The following NOL12 variants were observed in gnomAD, a reference collection of about 807,000 sequenced individuals.
The protein encoded by NOL12 is nucleolar protein 12.
NOL12 carries 21 observed loss-of-function variants against 25.2 expected under a neutral mutation model. The ratio of observed to expected loss-of-function variants is 0.83; its 90% CI spans 0.59 to 1.20. The LOEUF (loss-of-function observed/expected upper bound fraction) is 1.20. Ranked by LOEUF, NOL12 falls within the 50% of genes most tolerant of loss-of-function variation. The pLI is 0.00. For synonymous variants in NOL12, 133 were observed against 113.8 expected (o/e 1.17, Z -1.08); for missense variants, 286 against 287.6 (o/e 0.99, Z 0.04).
At chr22:37,689,516 G>A (rs743837) in intron 4 of NOL12, among the ~76,000 whole-genome samples, 64,031 of 152,014 alleles carry the variant, frequency 0.42, 13,843 homozygotes, top group African/African-American at 0.53. Flanking sequence ...TGTGAATCAT[G>A]AGTAGGTTGC....
rs748439404 is a variant in NOL12 at position 37,691,277 on chromosome 22, C to CGTACCAGCAA, written c.585_594dup (p.Ala199TyrfsTer50). The CGTACCAGCAA allele has an allele frequency of 6.2e-7, 1 of 1,614,050 alleles. No individual in the cohort carries two copies. The highest frequency in any genetic ancestry group is 1.1e-5 in the South Asian group (1 of 91,068). ...CTCCAAAAAGCCCCCAAGGGCCCCT[C>CGTACCAGCAA]GTACCAGCAAGGCCCAGCGCCGCCG... is the stretch of plus-strand genomic sequence containing the variant. On this transcript the variant is annotated frameshift_variant, in exon 6 of 6. Coordinates refer to ENST00000359114, the MANE Select transcript of NOL12 (RefSeq NM_024313.3). LOFTEE classifies it high-confidence loss of function.
chr22:37,692,193 CT>C lies in NOL12; in HGVS notation c.*858del, dbSNP rs1372645932. On this transcript the variant is annotated 3_prime_UTR_variant, in exon 6 of 6. Transcript: ENST00000359114. Reference sequence around the variant, plus strand: ...CCAACATGGTGAAACCCTGTCTCTACTAAAAATGCAAAAATTAGCCAGGTGT... The same window carrying C: ...CCAACATGGTGAAACCCTGTCTCTACAAAAATGCAAAAATTAGCCAGGTGT... 1 of 240,338 alleles carries C rather than the reference CT, an allele frequency of 4.2e-6. No homozygotes were observed. The highest frequency in any genetic ancestry group is 2.2e-5 in the African/African-American group (1 of 44,792). The allele number at this position is 240,338 out of a possible 1,614,324, so 14.9% of individuals were successfully genotyped here. A position where few individuals can be genotyped will look rare whatever the true frequency, so the allele number is the denominator to read the frequency against.
rs1359863572 is a variant in NOL12 at position 37,688,340 on chromosome 22, C to T, written c.218C>T (p.Ala73Val). Residue 73 changes from alanine to valine, a missense_variant, in exon 3 of 6, where the codon GCA (alanine) becomes GTA (valine). Physicochemically the swap from Ala to Val is moderately conservative, Grantham distance 64. Transcript: ENST00000359114. ...ERHQEYLKML[A>V]EREEALEEAD... ...CACCAGGAATACTTGAAGATGCTGG[C>T]AGAGAGAGAAGAGGCTCTGGGTAAG... 2 of 1,614,180 alleles carry T rather than the reference C, an allele frequency of 1.2e-6. No individual in the cohort carries two copies. The highest frequency in any genetic ancestry group is 8.5e-7 in the Non-Finnish European group (1 of 1,180,022).
intron 5 of NOL12, 143 bp downstream of exon 5, chr22:37,690,937 C>T (rs1217777261): frequency 8.6e-6 from 6 of 698,964 alleles, no homozygotes; most frequent in South Asian, 3.8e-5. Flanking sequence ...CTCATTGCCC[C>T]GTCCTGTCCC....
chr22:37,687,130 C>T (rs958641195), intron 1 of NOL12: 6 of 978,612 alleles, frequency 6.1e-6, no homozygotes, highest in Non-Finnish European at 7.3e-6. Flanking sequence ...GGTCAGGTGT[C>T]CTGGGGACAT....
chr22:37,688,164 C>G, intron 2 of NOL12, 148 bp from the exon 3 acceptor site: 1 of 1,076,886 alleles, frequency 9.3e-7, no homozygotes, highest in Non-Finnish European at 1.4e-6. Context: ...CTCTGTGGGC[C>G]CGGGTCTGGG....
Position 37,692,113 on chromosome 22 carries a change from T to G in NOL12, c.*777T>G. On this transcript the variant is annotated 3_prime_UTR_variant, in exon 6 of 6. Coordinates refer to ENST00000359114, the MANE Select transcript of NOL12 (RefSeq NM_024313.3). The stretch of plus-strand genomic sequence containing the variant: ...GGCTCACGCCTGTAATCCCAGCACT[T>G]TGGGAGGCCCAGGCGGGCAGATCAC... 6.1e-6 allele frequency: 1 copy of G among 163,106 alleles called. No homozygotes were observed. The highest frequency in any genetic ancestry group is 1.7e-4 in the East Asian group (1 of 5,922). 10.1% of individuals were successfully genotyped at this position (163,106 alleles called of 1,614,324 possible). A position where few individuals can be genotyped will look rare whatever the true frequency, so the allele number is the denominator to read the frequency against.
chr22:37,687,268 C>G (rs1027321161), intron 1 of NOL12, among the ~76,000 whole-genome samples: 7 of 129,936 alleles, frequency 5.4e-5, no homozygotes, highest in South Asian at 6.3e-4. Context: ...GCCCCCCCCC[C>G]CACCCGCCCC....
chr22:37,688,021 C>T lies in NOL12; in HGVS notation c.189+6C>T. The stretch of plus-strand genomic sequence containing the variant: ...AGAGGAAGCTTCGGGAGGAGGTACG[C>T]AGGGGGAAGGTGGGAGGGAGGTCTT... On this transcript the variant is annotated splice_donor_region_variant and intron_variant, in intron 2 of 5. Transcript: ENST00000359114. 3 of 1,541,782 alleles carry T rather than the reference C, an allele frequency of 1.9e-6. No individual in the cohort carries two copies. The highest frequency in any genetic ancestry group is 2.4e-5 in the East Asian group (1 of 41,894).
chr22:37,690,855 C>T lies in NOL12; in HGVS notation c.479+61C>T, dbSNP rs1052805457. 1.6e-5 allele frequency: 20 copies of T among 1,261,914 alleles called. 1 individual carries two copies. The highest frequency in any genetic ancestry group is 2.2e-5 in the Non-Finnish European group (19 of 872,720). The allele number at this position is 1,261,914 out of a possible 1,614,324, so 78.2% of individuals were successfully genotyped here. A position where few individuals can be genotyped will look rare whatever the true frequency, so the allele number is the denominator to read the frequency against. ...CTCCTGGCTGGCAGTAGTGACCTGG[C>T]CCTTAGGGTGGTGTGGAGCAGGTGT... On this transcript the variant is annotated intron_variant, in intron 5 of 5. Transcript: ENST00000359114.
Position 37,691,176 on chromosome 22 carries a change from T to C in NOL12, c.482T>C (p.Ile161Thr). The C allele has an allele frequency of 6.2e-7, 1 of 1,605,592 alleles. No individual in the cohort carries two copies. Among genetic ancestry groups the C allele is most frequent in the Non-Finnish European group, 8.5e-7 (1 of 1,175,108 alleles). The change falls in exon 6 of 6, where the codon ATC becomes ACC. Residue 161 changes from isoleucine (I) to threonine (T), a missense_variant and splice_region_variant. Ile to Thr is a moderately conservative substitution (Grantham distance 89). Transcript: ENST00000359114. The stretch of plus-strand genomic sequence containing the variant: ...TGAGGCTTTCTGCCCTCCCCTAGGA[T>C]CTCCTCCCTCACAGCATCACTACAT... ...KSRDPLLSQR[I>T]SSLTASLHAH...
Position 37,692,181 on chromosome 22 carries a change from AC to A in NOL12, c.*848del, listed in dbSNP as rs1173019979. The A allele has an allele frequency of 9.0e-6, 2 of 221,430 alleles. No individual in the cohort carries two copies. Among genetic ancestry groups the A allele is most frequent in the Non-Finnish European group, 1.8e-5 (2 of 114,026 alleles). 13.7% of individuals were successfully genotyped at this position (221,430 alleles called of 1,614,324 possible). A position where few individuals can be genotyped will look rare whatever the true frequency, so the allele number is the denominator to read the frequency against. ...AGACCAGCCTGGCCAACATGGTGAA[AC>A]CCTGTCTCTACTAAAAATGCAAAAA... On this transcript the variant is annotated 3_prime_UTR_variant, in exon 6 of 6. Coordinates refer to ENST00000359114, the MANE Select transcript of NOL12 (RefSeq NM_024313.3).
chr22:37,687,795 T>G (rs908384087), intron 1 of NOL12, 115 bp from the exon 2 acceptor site: 1 of 721,946 alleles, frequency 1.4e-6, no homozygotes, highest in Admixed American at 2.4e-5. Context: ...ACTTACACTT[T>G]TTTGGAATGG....
chr22:37,692,502 TC>T lies in NOL12; in HGVS notation c.*1169del, dbSNP rs1446357925. 1 of 398,638 alleles carries T rather than the reference TC, an allele frequency of 2.5e-6. No homozygotes were observed. Among genetic ancestry groups the T allele is most frequent in the African/African-American group, 2.1e-5 (1 of 48,646 alleles). The allele number at this position is 398,638 out of a possible 1,614,324, so 24.7% of individuals were successfully genotyped here. A position where few individuals can be genotyped will look rare whatever the true frequency, so the allele number is the denominator to read the frequency against. On this transcript the variant is annotated 3_prime_UTR_variant, in exon 6 of 6. Transcript: ENST00000359114. ...GATGGATGAGTTGATGGAAACCCTG[TC>T]CCTTCCTTGTCCCAGCTTGTCAGTC...
rs1369332529 is a variant in NOL12 at position 37,686,430 on chromosome 22, A to G, written c.38A>G (p.Asp13Gly). 1 of 1,605,908 alleles carries G rather than the reference A, an allele frequency of 6.2e-7. No individual in the cohort carries two copies. The highest frequency in any genetic ancestry group is 1.3e-5 in the African/African-American group (1 of 74,310). Residue 13 changes from aspartate (D) to glycine (G), a missense_variant, in exon 1 of 6, where the codon GAC (aspartate) becomes GGC (glycine). By Grantham distance (94) the Asp-to-Gly change is moderately conservative. Transcript: ENST00000359114. ...RNKKKKRDGDDRRPRLVLSFD... is the reference protein window; with the variant it reads ...RNKKKKRDGDGRRPRLVLSFD... ...AAGAAGAAGAAGCGAGATGGTGACGACCGGCGGCCGAGGCTCGTTCTTAGC... is the reference window on the plus strand; with the variant it reads ...AAGAAGAAGAAGCGAGATGGTGACGGCCGGCGGCCGAGGCTCGTTCTTAGC...
Position 37,688,165 on chromosome 22 carries a change from C to T in NOL12, c.190-147C>T, listed in dbSNP as rs944308821. ...TATACAGGTGGAGACTCTGTGGGCC[C>T]GGGTCTGGGAGTGATGGAAGATGGA... On this transcript the variant is annotated intron_variant, in intron 2 of 5. Coordinates refer to ENST00000359114, the MANE Select transcript of NOL12 (RefSeq NM_024313.3). 73 of 1,076,338 alleles carry T rather than the reference C, an allele frequency of 6.8e-5. No individual in the cohort carries two copies. The South Asian group carries it at 8.1e-4, about 12-fold the overall frequency. The allele number at this position is 1,076,338 out of a possible 1,614,324, so 66.7% of individuals were successfully genotyped here.
chr22:37,686,443 G>T lies in NOL12; in HGVS notation c.51G>T (p.Arg17Ser). ...KKRDGDDRRPRLVLSFDEEKR... is the reference protein window; with the variant it reads ...KKRDGDDRRPSLVLSFDEEKR... ...GAGATGGTGACGACCGGCGGCCGAG[G>T]CTCGTTCTTAGCTTCGACGAGGAGA... The change falls in exon 1 of 6, where the codon AGG becomes AGT. Residue 17 changes from arginine (R) to serine (S), a missense_variant. Physicochemically the swap from Arg to Ser is moderately radical, Grantham distance 110 (BLOSUM62 -1). Coordinates refer to ENST00000359114, the MANE Select transcript of NOL12 (RefSeq NM_024313.3). 2 of 1,605,768 alleles carry T rather than the reference G, an allele frequency of 1.2e-6. No homozygotes were observed. Among genetic ancestry groups the T allele is most frequent in the South Asian group, 1.1e-5 (1 of 89,774 alleles).
intron 1 of NOL12, chr22:37,686,702 A>T: frequency 1.0e-6 from 1 of 985,412 alleles, no homozygotes; most frequent in African/African-American, 1.7e-5. Context: ...GCCGCCAGAT[A>T]GCCGGAAGCT....
chr22:37,687,882 C>G (rs781516529), intron 1 of NOL12, 28 bp from the exon 2 acceptor site: 18 of 1,524,996 alleles, frequency 1.2e-5, no homozygotes, highest in Middle Eastern at 2.0e-4. Context: ...TAATGACTCT[C>G]CTGTCTCTGC....
Sources: gnomAD v4.1 joint callset for allele counts (sites outside exome capture counted in the v4.1 genomes callset) on GRCh38, gnomAD v4.1.1 for gene constraint, MANE v1.5 for transcripts, NCBI Gene and HGNC (gene_info 2026-07-23, HGNC 2026-07-21) for gene names.